ZC3H12B: variants seen among roughly 807,000 people sequenced by gnomAD.
ZC3H12B encodes probable ribonuclease ZC3H12B.
A neutral mutation model predicts 43.9 loss-of-function variants in ZC3H12B; 7 were observed. The ratio of observed to expected loss-of-function variants is 0.16; its 90% confidence interval spans 0.09 to 0.30. ZC3H12B has a LOEUF of 0.30. ZC3H12B is among the 10% of genes least tolerant of loss of function. The pLI, the probability that ZC3H12B is intolerant of heterozygous loss-of-function variation, is 1.00. For missense variants in ZC3H12B, 475 were observed against 670.2 expected, an observed-to-expected ratio of 0.71 and a Z score of 3.22; for synonymous variants, 222 against 241.7, an observed-to-expected ratio of 0.92 and a Z score of 0.76.
the ZC3H12B span, among the ~76,000 whole-genome samples, chrX:65,179,777 G>A: frequency 1.8e-5 from 2 of 111,731 alleles, no homozygotes; most frequent in Non-Finnish European, 3.8e-5. Context: ...TAAATATCTG[G>A]ACATATACTC....
chrX:65,067,355 TCA>T, the ZC3H12B span, among the ~76,000 whole-genome samples: 15 of 111,733 alleles, frequency 1.3e-4, no homozygotes, highest in Admixed American at 5.7e-4. Flanking sequence ...GCCCCATTCC[TCA>T]CAGCACAGTC....
the ZC3H12B span, among the ~76,000 whole-genome samples, chrX:65,223,504 G>T: frequency 6.6e-4 from 74 of 112,515 alleles, no homozygotes; most frequent in African/African-American, 2.3e-3. Flanking sequence ...CTTCAGCACA[G>T]CAAAAGAAAT....
rs2071765 is a variant in ZC3H12B, at chrX:65,469,737, G to A, written n.408-18909G>A. 14 of 119,524 alleles carry A rather than the reference G, an allele frequency of 1.2e-4. No individual in the cohort carries two copies. The East Asian group carries it at 3.2e-3, about 28-fold the overall frequency. 9.9% of individuals were successfully genotyped at this position (119,524 alleles called of 1,213,427 possible). On this transcript the variant is annotated intron_variant and non_coding_transcript_variant, in intron 3 of 5. Coordinates refer to the ZC3H12B transcript ENST00000617377. ...TGTAATCCCAGCACTTTGAGAGGCC[G>A]AGGCAGGTGGATCACTTGAAGTCAG...
chrX:65,214,885 G>A, the ZC3H12B span, among the ~76,000 whole-genome samples: 1 of 111,408 alleles, frequency 9.0e-6, no homozygotes, highest in Non-Finnish European at 1.9e-5. Flanking sequence ...AATACTTCTT[G>A]ATTCATGAGT....
the ZC3H12B span, among the ~76,000 whole-genome samples, chrX:65,346,230 C>G: frequency 6.2e-4 from 66 of 107,137 alleles, no homozygotes; most frequent in Non-Finnish European, 1.3e-4. Flanking sequence ...TACTATAAGG[C>G]TACAGTAACC....
chrX:65,187,174 A>C, the ZC3H12B span: 1 of 111,765 alleles, frequency 8.9e-6, no homozygotes, highest in Non-Finnish European at 1.9e-5. Flanking sequence ...ATTAACTTCT[A>C]TGCACTATTG....
At chrX:65,141,857 A>T in the ZC3H12B span, among the ~76,000 whole-genome samples, 7 of 111,762 alleles carry the variant, frequency 6.3e-5, no homozygotes, top group Admixed American at 6.7e-4. Flanking sequence ...ATTCATTTTC[A>T]TGGCCAAGTA....
At chrX:65,297,381 T>C in the ZC3H12B span, among the ~76,000 whole-genome samples, 1 of 110,414 alleles carries the variant, frequency 9.1e-6, no homozygotes, top group Non-Finnish European at 1.9e-5. Flanking sequence ...AATCAAGAAC[T>C]CAACTCCTTT....
chrX:65,159,037 C>T, the ZC3H12B span, among the ~76,000 whole-genome samples: 8 of 111,953 alleles, frequency 7.1e-5, no homozygotes, highest in Non-Finnish European at 1.5e-4. Flanking sequence ...GGAATCCTTT[C>T]CCCATTGCTT....
chrX:65,196,338 G>T, the ZC3H12B span, among the ~76,000 whole-genome samples: 1 of 111,132 alleles, frequency 9.0e-6, no homozygotes, highest in East Asian at 2.8e-4. Flanking sequence ...GGTGAAAAAA[G>T]GAACTGCGGG....
the ZC3H12B span, among the ~76,000 whole-genome samples, chrX:65,302,422 C>A: frequency 9.0e-6 from 1 of 110,826 alleles, no homozygotes; most frequent in Admixed American, 9.6e-5. Context: ...CATTAGCACC[C>A]AATAAATAAA....
the ZC3H12B span, among the ~76,000 whole-genome samples, chrX:65,201,639 CCTCTCT>C: frequency 0.034 from 2,172 of 64,417 alleles, 48 homozygotes; most frequent in South Asian, 0.11. Context: ...TGAAAGATCA[CCTCTCT>C]CTCTCTCTCT....
At chrX:65,139,791 G>A in the ZC3H12B span, among the ~76,000 whole-genome samples, 2 of 111,215 alleles carry the variant, frequency 1.8e-5, no homozygotes, top group South Asian at 3.7e-4. Context: ...CTAGTATAGA[G>A]GTATTTGACC....
At chrX:65,344,854 A>G in the ZC3H12B span, among the ~76,000 whole-genome samples, 1 of 112,523 alleles carries the variant, frequency 8.9e-6, no homozygotes, top group Admixed American at 9.4e-5. Flanking sequence ...CAGAAACATA[A>G]ATTTACAAGG....
At chrX:65,145,131 A>G in the ZC3H12B span, among the ~76,000 whole-genome samples, 1 of 111,280 alleles carries the variant, frequency 9.0e-6, no homozygotes, top group East Asian at 2.8e-4. Context: ...TAATCGTTTT[A>G]TAAATGTGGG....
the ZC3H12B span, among the ~76,000 whole-genome samples, chrX:65,219,232 A>T: frequency 8.9e-6 from 1 of 111,776 alleles, no homozygotes; most frequent in Non-Finnish European, 1.9e-5. Context: ...AAGAAACCAG[A>T]AAAACAGTTC....
the ZC3H12B span, among the ~76,000 whole-genome samples, chrX:65,094,890 A>G: frequency 8.9e-6 from 1 of 112,040 alleles, no homozygotes; most frequent in East Asian, 2.8e-4. Context: ...TTGCAAGCCA[A>G]TGTAGCCATT....
At chrX:65,230,693 CAAACATG>C in the ZC3H12B span, among the ~76,000 whole-genome samples, 1 of 108,752 alleles carries the variant, frequency 9.2e-6, no homozygotes, top group Non-Finnish European at 1.9e-5. Flanking sequence ...CGTTTTTCTT[CAAACATG>C]AAAGAGAAGT....
chrX:65,282,858 G>T, the ZC3H12B span, among the ~76,000 whole-genome samples: 1 of 111,474 alleles, frequency 9.0e-6, no homozygotes, highest in Non-Finnish European at 1.9e-5. Context: ...ACAAGTCCAG[G>T]ACCTGACGGA....
Sources: allele counts gnomAD v4.1 joint callset (sites outside exome capture counted in the v4.1 genomes callset), GRCh38; gene constraint gnomAD v4.1.1; transcripts MANE v1.5; gene names NCBI Gene and HGNC (gene_info 2026-07-23, HGNC 2026-07-21).